Variants in BICD1 observed in about 807,000 individuals in gnomAD.
The protein encoded by BICD1 is BICD cargo adaptor 1.
Under a neutral mutation model 92.5 loss-of-function variants are expected in BICD1, and 35 were observed. That is an observed-to-expected ratio of 0.38 (90% CI 0.29 to 0.50). The LOEUF is 0.50. Ranked by LOEUF, BICD1 falls within the 20% of genes least tolerant of loss-of-function variation. The probability of loss-of-function intolerance (pLI) is 0.93; values close to 1 mark genes in which losing one functional copy is unlikely to be tolerated. For synonymous variants in BICD1, 429 were observed against 465.1 expected (o/e 0.92, Z 1.00); for missense variants, 950 against 1,189.8 (o/e 0.80, Z 2.97).
At chr12:32,375,216 C>T (rs11051964) in intron 9 of BICD1, among the ~76,000 whole-genome samples, 53,737 of 151,120 alleles carry the variant, frequency 0.36, 9,786 homozygotes, top group African/African-American at 0.41. Flanking sequence ...TGCGCCACCG[C>T]GCCCAGGCTT....
At chr12:32,374,525 G>A (rs1239663099) in intron 9 of BICD1, among the ~76,000 whole-genome samples, 2 of 150,544 alleles carry the variant, frequency 1.3e-5, no homozygotes, top group Non-Finnish European at 3.0e-5. Context: ...TGTGAATCTT[G>A]CCATACATTA....
chr12:32,333,488 C>G (rs796730372), intron 5 of BICD1, among the ~76,000 whole-genome samples: 4 of 151,802 alleles, frequency 2.6e-5, no homozygotes, highest in African/African-American at 9.7e-5. Flanking sequence ...AGGTTTGAAG[C>G]TGCCCATTTC....
chr12:32,373,104 T>C (rs896201551), intron 9 of BICD1, among the ~76,000 whole-genome samples: 1 of 152,138 alleles, frequency 6.6e-6, no homozygotes, highest in Non-Finnish European at 1.5e-5. Context: ...AGAAACTTCC[T>C]GAAGATGTAT....
At chr12:32,140,346 T>G (rs1343450085) in intron 1 of BICD1, among the ~76,000 whole-genome samples, 1 of 152,228 alleles carries the variant, frequency 6.6e-6, no homozygotes, top group Admixed American at 6.5e-5. Context: ...CCCAATGAAT[T>G]ACTTCTTTCA....
chr12:32,267,788 T>C (rs945122673), intron 2 of BICD1, among the ~76,000 whole-genome samples: 3 of 152,208 alleles, frequency 2.0e-5, no homozygotes, highest in African/African-American at 7.2e-5. Flanking sequence ...TTTGTTTCAT[T>C]GTCTGACTAT....
chr12:32,346,548 A>G (rs1246282416), intron 8 of BICD1, among the ~76,000 whole-genome samples: 1 of 26,142 alleles, frequency 3.8e-5, no homozygotes, highest in Non-Finnish European at 5.7e-5. Flanking sequence ...ATATATATAT[A>G]TATATATATA....
At chr12:32,213,992 A>G (rs1199726499) in intron 1 of BICD1, among the ~76,000 whole-genome samples, 1 of 152,100 alleles carries the variant, frequency 6.6e-6, no homozygotes, top group Non-Finnish European at 1.5e-5. Flanking sequence ...TTCCTTCTAT[A>G]TTATTGTAAT....
chr12:32,250,630 T>C (rs1196271934), intron 2 of BICD1, among the ~76,000 whole-genome samples: 1 of 152,222 alleles, frequency 6.6e-6, no homozygotes, highest in Non-Finnish European at 1.5e-5. Context: ...AATTGTGTTA[T>C]TTTAATCTTT....
At chr12:32,345,961 C>T (rs1938547202) in intron 8 of BICD1, among the ~76,000 whole-genome samples, 1 of 152,100 alleles carries the variant, frequency 6.6e-6, no homozygotes, top group African/African-American at 2.4e-5. Context: ...CCAGCCTGGG[C>T]AACATGGCGA....
Position 32,380,127 on chromosome 12 carries a change from T to C in BICD1, c.*2500T>C, listed in dbSNP as rs1940129671. 1 of 152,238 alleles carries C rather than the reference T, an allele frequency of 6.6e-6. No individual in the cohort carries two copies. The highest frequency in any genetic ancestry group is 2.1e-4 in the South Asian group (1 of 4,834). The allele number at this position is 152,238 out of a possible 1,614,324, so 9.4% of individuals were successfully genotyped here. ...GAAGTTATAGAAACTTGGAAATAAA[T>C]TTCTCATTTTCAGCACAAAATTAAG... On this transcript the variant is annotated 3_prime_UTR_variant, in exon 10 of 10. Transcript: ENST00000652176.
At chr12:32,162,346 A>G (rs1040595990) in intron 1 of BICD1, among the ~76,000 whole-genome samples, 4 of 152,224 alleles carry the variant, frequency 2.6e-5, no homozygotes, top group African/African-American at 9.6e-5. Flanking sequence ...TTCCATTAAC[A>G]GTCTTTGGAA....
chr12:32,238,929 A>G (rs762745923), intron 2 of BICD1, among the ~76,000 whole-genome samples: 29 of 114,884 alleles, frequency 2.5e-4, no homozygotes, highest in Non-Finnish European at 4.2e-4. Context: ...GGGCAACAAG[A>G]GCAAAACTCT....
chr12:32,277,838 A>T (rs1947317381), intron 2 of BICD1, among the ~76,000 whole-genome samples: 1 of 151,712 alleles, frequency 6.6e-6, no homozygotes. Flanking sequence ...CTCCTTTCTC[A>T]TCCCTATATA....
chr12:32,207,521 TA>T (rs1047067963), intron 1 of BICD1, among the ~76,000 whole-genome samples: 2 of 152,090 alleles, frequency 1.3e-5, no homozygotes, highest in Non-Finnish European at 2.9e-5. Flanking sequence ...AGATTTTTTT[TA>T]AAAAAACATC....
chr12:32,376,225 A>G (rs1031187224), intron 9 of BICD1, among the ~76,000 whole-genome samples: 4 of 151,900 alleles, frequency 2.6e-5, no homozygotes, highest in Non-Finnish European at 4.4e-5. Context: ...CTGGGACTAC[A>G]GGCACACGCC....
At chr12:32,299,956 T>C (rs1181780607) in intron 3 of BICD1, among the ~76,000 whole-genome samples, 3 of 152,216 alleles carry the variant, frequency 2.0e-5, no homozygotes, top group South Asian at 4.1e-4. Flanking sequence ...TTAGGTTTCA[T>C]AGGTCACATG....
chr12:32,273,023 T>C (rs1947183488), intron 2 of BICD1, among the ~76,000 whole-genome samples: 1 of 152,202 alleles, frequency 6.6e-6, no homozygotes, highest in Admixed American at 6.5e-5. Flanking sequence ...CTGGAGTGTG[T>C]GAAGAAGAGG....
At chr12:32,238,932 A>C in intron 2 of BICD1, among the ~76,000 whole-genome samples, 1 of 130,874 alleles carries the variant, frequency 7.6e-6, no homozygotes, top group Non-Finnish European at 1.6e-5. Flanking sequence ...CAACAAGAGC[A>C]AAACTCTGTC....
At chr12:32,279,662 T>G (rs1347060774) in intron 2 of BICD1, among the ~76,000 whole-genome samples, 5 of 152,258 alleles carry the variant, frequency 3.3e-5, no homozygotes, top group Non-Finnish European at 7.3e-5. Context: ...ATGTTTGAAG[T>G]GACACTGAAA....
Sources: allele counts gnomAD v4.1 joint callset (sites outside exome capture counted in the v4.1 genomes callset), GRCh38; gene constraint gnomAD v4.1.1; transcripts MANE v1.5; gene names NCBI Gene and HGNC (gene_info 2026-07-23, HGNC 2026-07-21).